The following FRMD4A variants were observed in gnomAD, a reference collection of about 807,000 sequenced individuals.
FRMD4A encodes the protein FERM domain containing 4A, also known as FERM domain-containing protein 4A.
FRMD4A carries 29 observed loss-of-function variants against 129.1 expected under a neutral mutation model. That is an observed-to-expected ratio of 0.22 (90% CI 0.17 to 0.31). FRMD4A has a LOEUF of 0.31. FRMD4A is among the 10% of genes least tolerant of loss of function. The probability of loss-of-function intolerance (pLI) is 1.00; values close to 1 mark genes in which losing one functional copy is unlikely to be tolerated. For synonymous variants in FRMD4A, 634 were observed against 571.6 expected, an observed-to-expected ratio of 1.11 and a Z score of -1.56; for missense variants, 1,272 against 1,375.8, an observed-to-expected ratio of 0.92 and a Z score of 1.19.
At chr10:13,884,184 A>ACGCC (rs780160804) in intron 2 of FRMD4A, among the ~76,000 whole-genome samples, 1 of 79,548 alleles carries the variant, frequency 1.3e-5, no homozygotes, top group South Asian at 5.5e-4. Flanking sequence ...ACTCACACAC[A>ACGCC]CACACACACA....
At chr10:14,127,980 T>TC (rs1554766246) in intron 2 of FRMD4A, among the ~76,000 whole-genome samples, 1,214 of 19,038 alleles carry the variant, frequency 0.064, 87 homozygotes, top group Middle Eastern at 0.1. Context: ...CTTTCTTTCC[T>TC]TCTCTCTCTC....
chr10:13,737,347 C>A (rs1402824096), intron 12 of FRMD4A, among the ~76,000 whole-genome samples: 1 of 152,302 alleles, frequency 6.6e-6, no homozygotes, highest in South Asian at 2.1e-4. Context: ...GCCTCAGGCT[C>A]CCAAAGTGCT....
intron 14 of FRMD4A, among the ~76,000 whole-genome samples, chr10:13,697,740 A>G (rs566247484): frequency 2.0e-5 from 3 of 152,294 alleles, no homozygotes; most frequent in African/African-American, 7.2e-5. Flanking sequence ...AGAGAAAAAA[A>G]AAGATTAGGA....
chr10:14,129,186 T>G (rs1312874018), intron 2 of FRMD4A, among the ~76,000 whole-genome samples: 1 of 151,776 alleles, frequency 6.6e-6, no homozygotes, highest in Non-Finnish European at 1.5e-5. Flanking sequence ...TCATTCTGTC[T>G]TTCCCCTCCA....
chr10:14,036,710 G>A (rs575927179), intron 2 of FRMD4A, among the ~76,000 whole-genome samples: 6 of 152,214 alleles, frequency 3.9e-5, no homozygotes, highest in African/African-American at 9.6e-5. Context: ...AGCCTCCCGA[G>A]TAGCTGGAAT....
chr10:14,231,209 A>G (rs1163210855), intron 2 of FRMD4A, among the ~76,000 whole-genome samples: 1 of 152,160 alleles, frequency 6.6e-6, no homozygotes, highest in African/African-American at 2.4e-5. Flanking sequence ...ACTCCTTTCC[A>G]TTGTTGCTGA....
chr10:14,185,575 T>G (rs774062824), intron 2 of FRMD4A, among the ~76,000 whole-genome samples: 1 of 152,026 alleles, frequency 6.6e-6, no homozygotes, highest in Non-Finnish European at 1.5e-5. Flanking sequence ...AGGTTCAATC[T>G]CGTCTTGTAA....
intron 2 of FRMD4A, among the ~76,000 whole-genome samples, chr10:13,959,248 C>A (rs12256026): frequency 0.15 from 22,497 of 152,008 alleles, 1,840 homozygotes; most frequent in Middle Eastern, 0.2. Context: ...CCAAGGCAGG[C>A]AGATCATGAG....
intron 2 of FRMD4A, among the ~76,000 whole-genome samples, chr10:14,144,100 G>A (rs1283657130): frequency 2.0e-5 from 3 of 152,218 alleles, no homozygotes; most frequent in Admixed American, 1.3e-4. Flanking sequence ...ATGACGGGAA[G>A]GAATGCTGTC....
intron 2 of FRMD4A, among the ~76,000 whole-genome samples, chr10:14,084,535 G>A (rs1836140511): frequency 6.6e-6 from 1 of 152,216 alleles, no homozygotes; most frequent in South Asian, 2.1e-4. Flanking sequence ...AGGTCTTACA[G>A]ACTGGAGGAG....
intron 2 of FRMD4A, among the ~76,000 whole-genome samples, chr10:13,918,914 C>T (rs1020446134): frequency 1.3e-5 from 2 of 151,804 alleles, no homozygotes; most frequent in African/African-American, 4.8e-5. Flanking sequence ...ATGACAAATG[C>T]CCCCCTAATT....
chr10:13,991,385 G>T (rs138868244), intron 2 of FRMD4A, among the ~76,000 whole-genome samples: 249 of 152,288 alleles, frequency 1.6e-3, no homozygotes, highest in African/African-American at 5.7e-3. Context: ...TGGGCATCAG[G>T]CGCGGAGATT....
At chr10:13,716,742 G>A (rs2088846952) in intron 12 of FRMD4A, among the ~76,000 whole-genome samples, 1 of 152,168 alleles carries the variant, frequency 6.6e-6, no homozygotes, top group South Asian at 2.1e-4. Flanking sequence ...GGGAGAAAGA[G>A]GTTAACAAGT....
At chr10:13,943,104 CATTACA>C (rs1318189681) in intron 2 of FRMD4A, among the ~76,000 whole-genome samples, 4 of 152,128 alleles carry the variant, frequency 2.6e-5, no homozygotes, top group Non-Finnish European at 5.9e-5. Flanking sequence ...TCATATCACA[CATTACA>C]ATTACATTTG....
chr10:14,160,460 C>G (rs561813098), intron 2 of FRMD4A, among the ~76,000 whole-genome samples: 2 of 152,112 alleles, frequency 1.3e-5, no homozygotes, highest in African/African-American at 4.8e-5. Context: ...AGCTAAAAAG[C>G]TACTGCCCAG....
At chr10:14,055,459 ACAAACACACACACACAC>A (rs1834474344) in intron 2 of FRMD4A, among the ~76,000 whole-genome samples, 29 of 111,466 alleles carry the variant, frequency 2.6e-4, no homozygotes, top group East Asian at 1.8e-3. Context: ...ACACACACAC[ACAAACACACACACACAC>A]ACACACACAC....
At chr10:14,027,461 C>CA (rs1445575881) in intron 2 of FRMD4A, among the ~76,000 whole-genome samples, 4 of 152,146 alleles carry the variant, frequency 2.6e-5, no homozygotes, top group Admixed American at 2.0e-4. Context: ...ACTAAAAATA[C>CA]AAAAATTAGC....
chr10:14,085,638 G>A (rs185732145), intron 2 of FRMD4A, among the ~76,000 whole-genome samples: 46 of 152,278 alleles, frequency 3.0e-4, no homozygotes, highest in Admixed American at 2.9e-3. Flanking sequence ...GCCACCATGC[G>A]CCAGAGAGCT....
chr10:14,290,291 C>G (rs1171474439), intron 2 of FRMD4A, among the ~76,000 whole-genome samples: 2 of 151,976 alleles, frequency 1.3e-5, no homozygotes, highest in Non-Finnish European at 2.9e-5. Flanking sequence ...GAAAGAAGAA[C>G]AAAACTGAAG....
Sources: allele counts gnomAD v4.1 joint callset (sites outside exome capture counted in the v4.1 genomes callset), GRCh38; gene constraint gnomAD v4.1.1; transcripts MANE v1.5; gene names NCBI Gene and HGNC (gene_info 2026-07-23, HGNC 2026-07-21).